The following OPRM1 variants were observed in gnomAD, a reference collection of about 807,000 sequenced individuals.
The protein encoded by OPRM1 is mu-type opioid receptor.
A neutral mutation model predicts 31.8 loss-of-function variants in OPRM1; 27 were observed. That is an observed-to-expected ratio of 0.85 (90% CI 0.63 to 1.17). The LOEUF (loss-of-function observed/expected upper bound fraction) is 1.17. Ranked by LOEUF, OPRM1 falls within the 50% of genes most tolerant of loss-of-function variation. The pLI, the probability that OPRM1 is intolerant of heterozygous loss-of-function variation, is 0.00. For synonymous variants in OPRM1, 196 were observed against 189.9 expected, an observed-to-expected ratio of 1.03 and a Z score of -0.26; for missense variants, 536 against 511.1, an observed-to-expected ratio of 1.05 and a Z score of -0.47.
At chr6:154,233,837 A>G (rs753297155) in intron 3 of OPRM1, among the ~76,000 whole-genome samples, 46 of 151,908 alleles carry the variant, frequency 3.0e-4, no homozygotes, top group Non-Finnish European at 5.4e-4. Context: ...CCACTCTTTC[A>G]CCTGTGCAGA....
At chr6:154,205,169 C>T (rs532632779) in intron 3 of OPRM1, among the ~76,000 whole-genome samples, 31 of 152,192 alleles carry the variant, frequency 2.0e-4, no homozygotes, top group Non-Finnish European at 3.5e-4. Context: ...ATTTGTCAGT[C>T]CTTGAAGTAA....
chr6:154,047,910 G>A (rs1344323649), intron 1 of OPRM1, among the ~76,000 whole-genome samples: 1 of 152,156 alleles, frequency 6.6e-6, no homozygotes, highest in Non-Finnish European at 1.5e-5. Context: ...TTCTGCATTT[G>A]CTGAGGACCT....
chr6:154,162,745 C>G (rs1357480453), intron 3 of OPRM1, among the ~76,000 whole-genome samples: 1 of 152,186 alleles, frequency 6.6e-6, no homozygotes, highest in African/African-American at 2.4e-5. Flanking sequence ...ATCTCTCCCA[C>G]TCTCCTATGT....
intron 3 of OPRM1, among the ~76,000 whole-genome samples, chr6:154,171,047 C>T (rs569982424): frequency 6.6e-6 from 1 of 152,186 alleles, no homozygotes; most frequent in African/African-American, 2.4e-5. Context: ...ATTGAGTTGC[C>T]ACTTTAGAAA....
chr6:154,148,654 C>T (rs550517036), intron 3 of OPRM1, among the ~76,000 whole-genome samples: 102 of 152,314 alleles, frequency 6.7e-4, no homozygotes, highest in African/African-American at 2.3e-3. Context: ...CCCACAGGTA[C>T]CTCCACAAGG....
At chr6:154,020,593 T>TA (rs1373316225) in intron 1 of OPRM1, among the ~76,000 whole-genome samples, 3 of 152,198 alleles carry the variant, frequency 2.0e-5, no homozygotes, top group Non-Finnish European at 4.4e-5. Flanking sequence ...CATTTGAGAT[T>TA]ATGGCATTTG....
chr6:154,104,231 T>C (rs1228709106), intron 3 of OPRM1, among the ~76,000 whole-genome samples: 1 of 152,236 alleles, frequency 6.6e-6, no homozygotes, highest in Non-Finnish European at 1.5e-5. Context: ...CTCTTGAGTT[T>C]CAACAACAGA....
intron 3 of OPRM1, among the ~76,000 whole-genome samples, chr6:154,161,808 T>C (rs1190995216): frequency 6.6e-6 from 1 of 152,194 alleles, no homozygotes; most frequent in Non-Finnish European, 1.5e-5. Context: ...GTGATTGAAC[T>C]ACTCTTTTTG....
rs562668225 is a variant in OPRM1 at position 154,095,422 on chromosome 6, A to G, written c.1164+3950A>G. Among the ~76,000 whole-genome samples the G allele has an allele frequency of 1.4e-4, 22 of 152,358 alleles. No individual in the cohort carries two copies. The South Asian group carries it at 4.3e-3, about 30-fold the overall frequency. ...ATGTGGCAGGCATGACCCCTTCATCATGCAACTGACGAACAACCTAAATGA... is the reference window on the plus strand; with the variant it reads ...ATGTGGCAGGCATGACCCCTTCATCGTGCAACTGACGAACAACCTAAATGA... On this transcript the variant is annotated intron_variant, in intron 3 of 3. Transcript: ENST00000330432.
rs545920381 is a variant in OPRM1, at chr6:154,207,441, T to C, written c.1165-39252T>C. Among the ~76,000 whole-genome samples the C allele has an allele frequency of 1.9e-4, 29 of 152,380 alleles. No homozygotes were observed. In the South Asian group the frequency reaches 5.8e-3, roughly 30 times the overall value. On this transcript the variant is annotated intron_variant, in intron 3 of 3. Transcript: ENST00000337049. ...CTTGCAGTTCTGTTCTTTCATTTAG[T>C]ACAGATATTGAATAATCAAATGACT...
Position 154,077,907 on chromosome 6 carries a change from T to G in OPRM1, c.291-11919T>G, listed in dbSNP as rs115403787. 3.5e-3 allele frequency among the ~76,000 whole-genome samples: 531 copies of G among 151,910 alleles called. 1 individual carries two copies. Among genetic ancestry groups the G allele is most frequent in the African/African-American group, 0.012 (507 of 41,398 alleles). On this transcript the variant is annotated intron_variant, in intron 1 of 3. Coordinates refer to ENST00000330432, the MANE Select transcript of OPRM1 (RefSeq NM_000914.5). ...TTTTTTAACTCATATCTATTTATCA[T>G]CCAACCCTACCACTCCAAGGAATTT...
In OPRM1 at chr6:154,039,404, G is replaced by T; in HGVS notation, c.-141G>T. On this transcript the variant is annotated 5_prime_UTR_variant, in exon 1 of 4. Transcript: ENST00000330432. Reference sequence around the variant, plus strand: ...TCCCCTCCGCCTGACGCTCCTCTCTGTCTCAGCCAGGACTGGTTTCTGTAA... The same window carrying T: ...TCCCCTCCGCCTGACGCTCCTCTCTTTCTCAGCCAGGACTGGTTTCTGTAA... 1 of 1,549,252 alleles carries T rather than the reference G, an allele frequency of 6.5e-7. No individual in the cohort carries two copies. Among genetic ancestry groups the T allele is most frequent in the Non-Finnish European group, 8.7e-7 (1 of 1,145,442 alleles).
At chr6:154,212,808 T>C (rs748543134) in intron 3 of OPRM1, 3 of 1,613,836 alleles carry the variant, frequency 1.9e-6, no homozygotes, top group East Asian at 2.2e-5. Flanking sequence ...GGGGGTGGTG[T>C]CTCCGCAGCT....
At chr6:154,191,284 C>T (rs779053062) in intron 3 of OPRM1, among the ~76,000 whole-genome samples, 3 of 152,064 alleles carry the variant, frequency 2.0e-5, no homozygotes, top group Non-Finnish European at 4.4e-5. Context: ...ATATTTTTTA[C>T]GGCAGTGAAA....
At chr6:154,100,078 A>C (rs1562471937) in intron 3 of OPRM1, among the ~76,000 whole-genome samples, 1 of 116,396 alleles carries the variant, frequency 8.6e-6, no homozygotes, top group Non-Finnish European at 1.7e-5. Context: ...GATATATATC[A>C]TATTATATAT....
rs1374374051 is a variant in OPRM1, at chr6:154,129,507, A to T, written c.*10786A>T. On this transcript the variant is annotated 3_prime_UTR_variant, in exon 4 of 4. Coordinates refer to ENST00000330432, the MANE Select transcript of OPRM1 (RefSeq NM_000914.5). ...GTCTTTCTCTCCTCTCAATGTCAACATCATATATGATTGGAGACTTCCACA... is the reference window on the plus strand; with the variant it reads ...GTCTTTCTCTCCTCTCAATGTCAACTTCATATATGATTGGAGACTTCCACA... Among the ~76,000 whole-genome samples, 1 of 152,202 alleles carries T rather than the reference A, an allele frequency of 6.6e-6. No homozygotes were observed. The highest frequency in any genetic ancestry group is 1.5e-5 in the Non-Finnish European group (1 of 68,038).
chr6:154,202,249 T>C (rs1777129685), intron 3 of OPRM1, among the ~76,000 whole-genome samples: 1 of 151,998 alleles, frequency 6.6e-6, no homozygotes, highest in Non-Finnish European at 1.5e-5. Flanking sequence ...GGCACGTACA[T>C]AAAAAAAATC....
At chr6:154,196,672 A>G (rs1308446302) in intron 3 of OPRM1, among the ~76,000 whole-genome samples, 3 of 152,186 alleles carry the variant, frequency 2.0e-5, no homozygotes, top group Non-Finnish European at 2.9e-5. Context: ...AATTTCTAAC[A>G]AAAGAAATGA....
rs1245588858 is a variant in OPRM1, at chr6:154,110,329, T to C, written c.1165-8354T>C. On this transcript the variant is annotated intron_variant, in intron 3 of 3. Coordinates refer to ENST00000330432, the MANE Select transcript of OPRM1 (RefSeq NM_000914.5). ...AAGCATTATAATTGGTACATTGTTC[T>C]GTTTTTGAATGAAATATCTTTGCAG... 1 of 1,155,018 alleles carries C rather than the reference T, an allele frequency of 8.7e-7. No homozygotes were observed. 71.5% of individuals were successfully genotyped at this position (1,155,018 alleles called of 1,614,324 possible).
Sources: allele counts gnomAD v4.1 joint callset (sites outside exome capture counted in the v4.1 genomes callset), GRCh38; gene constraint gnomAD v4.1.1; transcripts MANE v1.5; gene names NCBI Gene and HGNC (gene_info 2026-07-23, HGNC 2026-07-21).